The following P3H2 variants were observed in gnomAD, a reference collection of about 807,000 sequenced individuals.
The protein encoded by P3H2 is prolyl 3-hydroxylase 2.
P3H2 carries 80 observed loss-of-function variants against 87.0 expected under a neutral mutation model. The observed-to-expected ratio is 0.92, with a 90% CI of 0.77 to 1.11. P3H2 has a LOEUF of 1.11. Ranked by LOEUF, P3H2 falls within the 50% of genes least tolerant of loss-of-function variation. The pLI is 0.00. For missense variants in P3H2, 1,001 were observed against 923.9 expected, an observed-to-expected ratio of 1.08 and a Z score of -1.08; for synonymous variants, 367 against 359.3, an observed-to-expected ratio of 1.02 and a Z score of -0.24.
intron 1 of P3H2, among the ~76,000 whole-genome samples, chr3:190,014,864 G>C (rs1220271332): frequency 6.6e-6 from 1 of 152,128 alleles, no homozygotes; most frequent in Non-Finnish European, 1.5e-5. Context: ...CTTGGTAAGA[G>C]GGAATGTGTA....
intron 8 of P3H2, among the ~76,000 whole-genome samples, chr3:189,975,994 A>G (rs1319300297): frequency 6.6e-6 from 1 of 152,248 alleles, no homozygotes; most frequent in Non-Finnish European, 1.5e-5. Context: ...ACAGTACCCA[A>G]ACCAATTTAC....
intron 8 of P3H2, among the ~76,000 whole-genome samples, chr3:189,978,338 A>G (rs1290332438): frequency 6.6e-6 from 1 of 152,196 alleles, no homozygotes; most frequent in Non-Finnish European, 1.5e-5. Context: ...AAGCTCCATT[A>G]TAAGTATGTA....
At chr3:190,081,230 G>C (rs920246827) in intron 1 of P3H2, among the ~76,000 whole-genome samples, 1 of 152,186 alleles carries the variant, frequency 6.6e-6, no homozygotes, top group African/African-American at 2.4e-5. Context: ...AGGCAAGGTA[G>C]TTTGACACAT....
intron 1 of P3H2, among the ~76,000 whole-genome samples, chr3:190,032,922 C>T (rs1725302770): frequency 6.6e-6 from 1 of 152,152 alleles, no homozygotes; most frequent in Non-Finnish European, 1.5e-5. Flanking sequence ...ATTATTATTA[C>T]ATTGCAATAT....
chr3:190,046,633 C>T (rs1358887695), intron 1 of P3H2, among the ~76,000 whole-genome samples: 1 of 5,974 alleles, frequency 1.7e-4, no homozygotes, highest in Non-Finnish European at 2.8e-4. Context: ...ATCTCACAAT[C>T]AGATATAGAT....
At chr3:190,011,475 T>C (rs995593650) in intron 1 of P3H2, among the ~76,000 whole-genome samples, 3 of 152,188 alleles carry the variant, frequency 2.0e-5, no homozygotes, top group Non-Finnish European at 4.4e-5. Flanking sequence ...CCTCTTCCTT[T>C]AAGCATCTCC....
At chr3:190,007,656 AAT>A (rs1271132401) in intron 1 of P3H2, among the ~76,000 whole-genome samples, 1 of 152,092 alleles carries the variant, frequency 6.6e-6, no homozygotes, top group East Asian at 1.9e-4. Flanking sequence ...CAGAAAAAAA[AAT>A]GTTTATTTTG....
chr3:189,969,802 C>G, intron 13 of P3H2: 2 of 1,607,436 alleles, frequency 1.2e-6, no homozygotes, highest in Non-Finnish European at 8.5e-7. Flanking sequence ...CTGGATCATC[C>G]AGGCCTGTTC....
At chr3:189,963,688 CCCACCTCGG>C in intron 14 of P3H2, 1 of 431,534 alleles carries the variant, frequency 2.3e-6, no homozygotes, top group Non-Finnish European at 4.3e-6. Flanking sequence ...AAGTGATCTG[CCCACCTCGG>C]CCTCCCAAAG....
At chr3:189,961,822 C>T (rs982847771) in intron 14 of P3H2, among the ~76,000 whole-genome samples, 4 of 152,094 alleles carry the variant, frequency 2.6e-5, no homozygotes, top group Non-Finnish European at 4.4e-5. Flanking sequence ...TACAAAGGAG[C>T]AAAGAGAACT....
chr3:189,989,243 G>A (rs986660280), intron 3 of P3H2, among the ~76,000 whole-genome samples: 17 of 152,158 alleles, frequency 1.1e-4, no homozygotes, highest in East Asian at 7.7e-4. Context: ...TCACTAGAAC[G>A]ACAGTAGATT....
At position 189,987,515 on chromosome 3, in the gene P3H2, C is replaced by T. The variant is rs746781579; in HGVS notation, c.1098+12G>A. 6.7e-7 allele frequency: 1 copy of T among 1,495,350 alleles called. No homozygotes were observed. Among genetic ancestry groups the T allele is most frequent in the Non-Finnish European group, 9.3e-7 (1 of 1,080,130 alleles). 92.6% of individuals were successfully genotyped at this position (1,495,350 alleles called of 1,614,324 possible). A position where few individuals can be genotyped will look rare whatever the true frequency, so the allele number is the denominator to read the frequency against. On this transcript the variant is annotated intron_variant, in intron 5 of 14. Coordinates refer to ENST00000319332, the MANE Select transcript of P3H2 (RefSeq NM_018192.4). Reference sequence around the variant, plus strand: ...AAAAAAAAAGAATTTCTTTTCAAAACATTGGTCTCACCTCTCTGGCCTCAA... The same window carrying T: ...AAAAAAAAAGAATTTCTTTTCAAAATATTGGTCTCACCTCTCTGGCCTCAA...
chr3:189,962,737 G>T (rs1722855228), intron 14 of P3H2, among the ~76,000 whole-genome samples: 3 of 152,148 alleles, frequency 2.0e-5, no homozygotes, highest in Non-Finnish European at 4.4e-5. Context: ...TGTAAAATAT[G>T]TGAAAGAATG....
At chr3:189,958,241 C>T (rs1163780823) in intron 14 of P3H2, among the ~76,000 whole-genome samples, 3 of 152,192 alleles carry the variant, frequency 2.0e-5, no homozygotes, top group Non-Finnish European at 4.4e-5. Context: ...TGTTCAACTG[C>T]TTCCTACTCT....
chr3:190,093,133 A>C (rs889878492), intron 1 of P3H2, among the ~76,000 whole-genome samples: 4 of 152,216 alleles, frequency 2.6e-5, no homozygotes, highest in African/African-American at 9.6e-5. Flanking sequence ...AATTCTAAGA[A>C]ATAATACTAA....
chr3:189,973,511 C>CTTTCTTT (rs1723245878), intron 10 of P3H2, among the ~76,000 whole-genome samples: 83 of 35,460 alleles, frequency 2.3e-3, no homozygotes, highest in African/African-American at 7.6e-3. Context: ...TTCTTTCTTT[C>CTTTCTTT]TTTTTTTTTT....
In P3H2 at chr3:190,120,525, C is replaced by G; in HGVS notation, c.207G>C (p.Ala69=). Residue 69 remains alanine (A), a synonymous_variant, in exon 1 of 15, where the codon GCG becomes GCC. Coordinates refer to ENST00000319332, the MANE Select transcript of P3H2 (RefSeq NM_018192.4). ...DYERAVRDLE[A]ALRSHRRLRE... The stretch of plus-strand genomic sequence containing the variant: ...GCAGGCGCCGGTGGCTGCGCAGCGC[C>G]GCTTCCAAGTCGCGCACCGCTCGCT... The G allele has an allele frequency of 6.7e-7, 1 of 1,488,824 alleles. No homozygotes were observed. The highest frequency in any genetic ancestry group is 8.9e-7 in the Non-Finnish European group (1 of 1,127,096). 92.2% of individuals were successfully genotyped at this position (1,488,824 alleles called of 1,614,324 possible).
intron 1 of P3H2, among the ~76,000 whole-genome samples, chr3:190,000,937 G>C (rs1201317756): frequency 6.6e-6 from 1 of 152,202 alleles, no homozygotes; most frequent in Admixed American, 6.5e-5. Context: ...GAGGGCAGAA[G>C]AGCACTGCAG....
At chr3:190,027,546 T>C (rs1309410909) in intron 1 of P3H2, among the ~76,000 whole-genome samples, 5 of 152,034 alleles carry the variant, frequency 3.3e-5, no homozygotes, top group South Asian at 2.1e-4. Context: ...AAAGGGCTTG[T>C]ACATATTTGT....
Sources: allele counts gnomAD v4.1 joint callset (sites outside exome capture counted in the v4.1 genomes callset), GRCh38; gene constraint gnomAD v4.1.1; transcripts MANE v1.5; gene names NCBI Gene and HGNC (gene_info 2026-07-23, HGNC 2026-07-21).